VOPP1: variants seen among roughly 807,000 people sequenced by gnomAD.
VOPP1 encodes the protein VOPP1 WW domain binding protein.
A neutral mutation model predicts 23.5 loss-of-function variants in VOPP1; 8 were observed. The observed-to-expected ratio is 0.34, with a 90% CI of 0.20 to 0.61. The LOEUF (loss-of-function observed/expected upper bound fraction) is 0.61. Ranked by LOEUF, VOPP1 falls within the 20% of genes least tolerant of loss-of-function variation. The pLI, the probability that VOPP1 is intolerant of heterozygous loss-of-function variation, is 0.78. For missense variants in VOPP1, 174 were observed against 238.1 expected (o/e 0.73, Z 1.77); for synonymous variants, 83 against 97.3 (o/e 0.85, Z 0.86).
chr7:55,570,172 G>A (rs1288364934), intron 1 of VOPP1, among the ~76,000 whole-genome samples: 1 of 151,934 alleles, frequency 6.6e-6, no homozygotes, highest in Non-Finnish European at 1.5e-5. Flanking sequence ...AGCATCACAG[G>A]TATTCATCAG....
intron 4 of VOPP1, among the ~76,000 whole-genome samples, chr7:55,485,624 C>G (rs142973315): frequency 6.6e-6 from 1 of 152,338 alleles, no homozygotes; most frequent in Non-Finnish European, 1.5e-5. Context: ...GGACAGCTGC[C>G]TCATAACCCC....
chr7:55,474,426 C>A (rs920394973), intron 4 of VOPP1, among the ~76,000 whole-genome samples: 1 of 152,192 alleles, frequency 6.6e-6, no homozygotes, highest in Non-Finnish European at 1.5e-5. Flanking sequence ...ATTATGAAGG[C>A]TTCTGAATAT....
At chr7:55,466,979 A>G (rs1337237442), downstream of VOPP1, among the ~76,000 whole-genome samples, 2 of 152,110 alleles carry the variant, frequency 1.3e-5, no homozygotes, top group Non-Finnish European at 2.9e-5. Flanking sequence ...GGTGGTGGGG[A>G]TGATTTCAGA....
chr7:55,567,716 G>A (rs150658877), intron 1 of VOPP1, among the ~76,000 whole-genome samples: 134 of 152,304 alleles, frequency 8.8e-4, no homozygotes, highest in African/African-American at 3.1e-3. Flanking sequence ...ATTTATTGCT[G>A]CCACTTCTCA....
intron 4 of VOPP1, among the ~76,000 whole-genome samples, chr7:55,450,340 C>CTTG (rs10699111): frequency 0.9 from 136,607 of 151,932 alleles, 61,577 homozygotes; most frequent in African/African-American, 0.93. Context: ...AGCACTGGAA[C>CTTG]TTGTGTAACC....
intron 4 of VOPP1, among the ~76,000 whole-genome samples, chr7:55,463,615 T>G (rs1404871178): frequency 6.6e-6 from 1 of 152,180 alleles, no homozygotes; most frequent in Non-Finnish European, 1.5e-5. Flanking sequence ...GAGGCTTTGC[T>G]GGGGATGGGG....
intron 1 of VOPP1, among the ~76,000 whole-genome samples, chr7:55,536,425 AG>A (rs1247283896): frequency 6.6e-6 from 1 of 152,080 alleles, no homozygotes; most frequent in Non-Finnish European, 1.5e-5. Context: ...GCTACTCGGG[AG>A]GTTGAGGCAG....
intron 4 of VOPP1, among the ~76,000 whole-genome samples, chr7:55,462,012 G>A (rs186529749): frequency 4.6e-5 from 7 of 152,246 alleles, no homozygotes; most frequent in South Asian, 2.1e-4. Context: ...AGCATTTCTC[G>A]TAGGGCTGGT....
At chr7:55,529,683 C>A (rs1175803945) in intron 1 of VOPP1, among the ~76,000 whole-genome samples, 1 of 152,178 alleles carries the variant, frequency 6.6e-6, no homozygotes, top group Admixed American at 6.5e-5. Context: ...CCCAATCCAG[C>A]TTCAGAACCT....
intron 1 of VOPP1, among the ~76,000 whole-genome samples, chr7:55,545,652 C>T (rs1031122235): frequency 1.3e-5 from 2 of 152,210 alleles, no homozygotes; most frequent in Admixed American, 1.3e-4. Flanking sequence ...ACACATCCAC[C>T]GGGACTCAAG....
chr7:55,469,626 T>G (rs1189967473), downstream of VOPP1, among the ~76,000 whole-genome samples: 2 of 152,212 alleles, frequency 1.3e-5, no homozygotes, highest in Non-Finnish European at 2.9e-5. Flanking sequence ...TGCCCTTTCT[T>G]TGTTCTGCCT....
chr7:55,525,504 A>G (rs1380663750), intron 1 of VOPP1, among the ~76,000 whole-genome samples: 4 of 149,236 alleles, frequency 2.7e-5, no homozygotes, highest in Non-Finnish European at 4.5e-5. Flanking sequence ...AAAAAAAAAA[A>G]GAGTACAGAC....
intron 1 of VOPP1, among the ~76,000 whole-genome samples, chr7:55,560,095 G>A (rs1440353700): frequency 1.3e-5 from 2 of 152,248 alleles, no homozygotes; most frequent in African/African-American, 4.8e-5. Flanking sequence ...AGAGGTTGTA[G>A]TGAGCCAAGA....
intron 1 of VOPP1, chr7:55,538,616 CA>C (rs1203956228): frequency 6.5e-7 from 1 of 1,535,742 alleles, no homozygotes; most frequent in Non-Finnish European, 8.7e-7. Context: ...TACAAACCTG[CA>C]AGAGCACAGA....
rs575468925 is a variant in VOPP1 at position 55,497,559 on chromosome 7, G to T, written c.191+54C>A. 2,412 of 1,040,150 alleles carry T rather than the reference G, an allele frequency of 2.3e-3. 47 individuals are homozygous for T. The highest frequency in any genetic ancestry group is 0.023 in the South Asian group (1,359 of 59,334). The allele number at this position is 1,040,150 out of a possible 1,614,324, so 64.4% of individuals were successfully genotyped here. A position where few individuals can be genotyped will look rare whatever the true frequency, so the allele number is the denominator to read the frequency against. On this transcript the variant is annotated intron_variant, in intron 3 of 4. Transcript: ENST00000285279. ...CAAGGCTGTGACAACACTGATGGGGGGGGGGGGGGGGCAGAGCTCTCGGGG... is the reference window on the plus strand; with the variant it reads ...CAAGGCTGTGACAACACTGATGGGGTGGGGGGGGGGGCAGAGCTCTCGGGG...
chr7:55,459,717 C>T (rs919416471), intron 4 of VOPP1, among the ~76,000 whole-genome samples: 1 of 151,730 alleles, frequency 6.6e-6, no homozygotes, highest in Admixed American at 6.6e-5. Flanking sequence ...GTTATAATAT[C>T]TTCTTTCTCA....
intron 4 of VOPP1, among the ~76,000 whole-genome samples, chr7:55,483,771 C>CT (rs528161749): frequency 2.2e-4 from 34 of 151,698 alleles, no homozygotes; most frequent in South Asian, 2.1e-3. Context: ...TTTCTTTTTT[C>CT]TTTTTTTTGA....
intron 1 of VOPP1, chr7:55,571,995 G>C (rs1282908966): frequency 3.1e-5 from 12 of 387,296 alleles, no homozygotes; most frequent in Non-Finnish European, 4.2e-5. Context: ...CCGAGCTAAC[G>C]GAGGCGGTCG....
chr7:55,449,009 A>G (rs1352280460), intron 4 of VOPP1, among the ~76,000 whole-genome samples: 1 of 152,178 alleles, frequency 6.6e-6, no homozygotes, highest in Non-Finnish European at 1.5e-5. Flanking sequence ...TTGGAGTAAA[A>G]CAGAGACTCC....
Sources: gnomAD v4.1 joint callset for allele counts (sites outside exome capture counted in the v4.1 genomes callset) on GRCh38, gnomAD v4.1.1 for gene constraint, MANE v1.5 for transcripts, NCBI Gene and HGNC (gene_info 2026-07-23, HGNC 2026-07-21) for gene names.